Variants in DHDH observed in about 807,000 individuals in gnomAD.
The protein encoded by DHDH is dihydrodiol dehydrogenase.
A neutral mutation model predicts 33.2 loss-of-function variants in DHDH; 29 were observed. The ratio of observed to expected loss-of-function variants is 0.87; its 90% CI spans 0.65 to 1.19. DHDH has a LOEUF of 1.19. Ranked by LOEUF, DHDH falls within the 50% of genes most tolerant of loss-of-function variation. The pLI is 0.00. For synonymous variants in DHDH, 201 were observed against 187.9 expected, an observed-to-expected ratio of 1.07 and a Z score of -0.57; for missense variants, 431 against 455.0, an observed-to-expected ratio of 0.95 and a Z score of 0.48.
intron 4 of DHDH, among the ~76,000 whole-genome samples, chr19:48,941,835 A>G (rs369092524): frequency 8.3e-4 from 124 of 148,918 alleles, no homozygotes; most frequent in African/African-American, 2.9e-3. Flanking sequence ...ACCACACCCA[A>G]CTAAATTTTT....
At chr19:48,937,956 A>C (rs916156560) in intron 3 of DHDH, among the ~76,000 whole-genome samples, 1 of 151,766 alleles carries the variant, frequency 6.6e-6, no homozygotes, top group Non-Finnish European at 1.5e-5. Flanking sequence ...TCACCTCCTC[A>C]GGGTGTCACC....
intron 3 of DHDH, among the ~76,000 whole-genome samples, chr19:48,939,050 A>C (rs2037819665): frequency 6.6e-6 from 1 of 152,160 alleles, no homozygotes; most frequent in Non-Finnish European, 1.5e-5. Flanking sequence ...TAAGGCTTCA[A>C]CACGTGAATT....
At chr19:48,934,907 C>G in intron 1 of DHDH, 93 bp from the exon 2 acceptor site, 1 of 1,010,402 alleles carries the variant, frequency 9.9e-7, no homozygotes, top group South Asian at 1.9e-5. Flanking sequence ...CACGTCTCCC[C>G]TTCCCCTGGC....
intron 3 of DHDH, 108 bp from the exon 4 acceptor site, chr19:48,939,341 A>G (rs2037823427): frequency 7.7e-7 from 1 of 1,303,268 alleles, no homozygotes; most frequent in Non-Finnish European, 1.1e-6. Flanking sequence ...CAACCTGGGG[A>G]CTGATGGGCT....
chr19:48,942,697 C>G, intron 5 of DHDH, 133 bp downstream of exon 5: 1 of 1,404,156 alleles, frequency 7.1e-7, no homozygotes, highest in Non-Finnish European at 9.4e-7. Context: ...CTTAACCAAG[C>G]CAAGAGGTGG....
At chr19:48,932,988 G>C (rs4802526), upstream of DHDH, among the ~76,000 whole-genome samples, 20,742 of 152,098 alleles carry the variant, frequency 0.14, 1,765 homozygotes, top group African/African-American at 0.23. Flanking sequence ...GGGCAAGGAG[G>C]GTTTTGAAAC....
At position 48,942,528 on chromosome 19, in the gene DHDH, C is replaced by T; in HGVS notation, c.708C>T (p.Asn236=). The change falls in exon 5 of 7, where the codon AAC becomes AAT. Residue 236 remains asparagine, a synonymous_variant. Transcript: ENST00000221403. ...FTCSITVQLS[N]TASVSGTKGM... ...GCAGCATCACCGTGCAGCTCTCCAACACGGCCTCCGTGAGCGGCACCAAGG... is the reference window on the plus strand; with the variant it reads ...GCAGCATCACCGTGCAGCTCTCCAATACGGCCTCCGTGAGCGGCACCAAGG... The T allele has an allele frequency of 6.2e-7, 1 of 1,613,868 alleles. No individual in the cohort carries two copies. Among genetic ancestry groups the T allele is most frequent in the Non-Finnish European group, 8.5e-7 (1 of 1,179,888 alleles).
chr19:48,942,904 A>T (rs1423543123), intron 5 of DHDH, among the ~76,000 whole-genome samples: 1 of 151,668 alleles, frequency 6.6e-6, no homozygotes. Flanking sequence ...AAAATACAAA[A>T]ATTAGCTGGG....
At chr19:48,936,270 G>T in intron 3 of DHDH, 75 bp downstream of exon 3, 2 of 1,466,040 alleles carry the variant, frequency 1.4e-6, no homozygotes, top group South Asian at 2.8e-5. Context: ...GTGCGCGGAC[G>T]GGGTCAGTGC....
chr19:48,938,408 G>C (rs182649941), intron 3 of DHDH, among the ~76,000 whole-genome samples: 1 of 151,926 alleles, frequency 6.6e-6, no homozygotes, highest in Non-Finnish European at 1.5e-5. Flanking sequence ...CCAGTTCCAG[G>C]AGTTTTTTTT....
intron 2 of DHDH, 33 bp downstream of exon 2, chr19:48,935,144 C>T: frequency 6.6e-7 from 1 of 1,505,890 alleles, no homozygotes. Flanking sequence ...GTGCTGGCCG[C>T]CGCCCCTGGA....
intron 3 of DHDH, among the ~76,000 whole-genome samples, chr19:48,938,844 T>TA (rs1249744370): frequency 6.6e-6 from 1 of 152,122 alleles, no homozygotes; most frequent in Non-Finnish European, 1.5e-5. Context: ...AGACGGGGTT[T>TA]CACCGTGTTG....
chr19:48,936,486 G>T (rs555270258), intron 3 of DHDH, among the ~76,000 whole-genome samples: 4 of 152,120 alleles, frequency 2.6e-5, no homozygotes, highest in African/African-American at 9.6e-5. Context: ...CACGGGGTCA[G>T]GAGATCGAGA....
intron 6 of DHDH, 39 bp downstream of exon 6, chr19:48,944,546 G>A: frequency 2.6e-6 from 4 of 1,553,674 alleles, no homozygotes; most frequent in Non-Finnish European, 3.5e-6. Context: ...AGGCCTGGTA[G>A]GGGGATGTTG....
intron 1 of DHDH, among the ~76,000 whole-genome samples, 169 bp downstream of exon 1, chr19:48,933,980 A>G (rs985307183): frequency 1.3e-5 from 2 of 152,132 alleles, no homozygotes; most frequent in African/African-American, 4.8e-5. Flanking sequence ...ACCTGTGGGG[A>G]AAAGAAAGAT....
rs948060018 is a variant in DHDH, at chr19:48,944,684, G to C, written c.896-140G>C. Reference sequence around the variant, plus strand: ...GAACAAGACTCTCACTCCAAAAAAAGAACTATATCTCTCAGGAACCCCTGC... The same window carrying C: ...GAACAAGACTCTCACTCCAAAAAAACAACTATATCTCTCAGGAACCCCTGC... On this transcript the variant is annotated intron_variant, in intron 6 of 6. Transcript: ENST00000221403. 6 of 1,189,038 alleles carry C rather than the reference G, an allele frequency of 5.0e-6. No individual in the cohort carries two copies. In the African/African-American group the frequency reaches 7.7e-5, roughly 15 times the overall value. The allele number at this position is 1,189,038 out of a possible 1,614,324, so 73.7% of individuals were successfully genotyped here. A position where few individuals can be genotyped will look rare whatever the true frequency, so the allele number is the denominator to read the frequency against.
At chr19:48,938,666 T>G (rs1455603313) in intron 3 of DHDH, among the ~76,000 whole-genome samples, 2 of 148,498 alleles carry the variant, frequency 1.3e-5, no homozygotes, top group South Asian at 4.3e-4. Context: ...TTTTTTTGAG[T>G]TGGAGTCTCG....
rs560654929 is a variant in DHDH at position 48,943,323 on chromosome 19, G to A, written c.744+759G>A. Among the ~76,000 whole-genome samples the A allele has an allele frequency of 2.9e-3, 438 of 152,128 alleles. 3 individuals carry two copies. The highest frequency in any genetic ancestry group is 0.01 in the African/African-American group (416 of 41,494). On this transcript the variant is annotated intron_variant, in intron 5 of 6. Transcript: ENST00000221403. ...AGTTGTGAATTTCGGAAGTGCATCC[G>A]GGGGAGGATCTGGGTGTTACCAAAG...
At position 48,944,402 on chromosome 19, in the gene DHDH, G is replaced by A; in HGVS notation, c.790G>A (p.Glu264Lys). ...CCCGACCGAGCTGGTGGTGAAGGGG[G>A]AGCATAAGGAGTTCCCGCTGCCCCC... Reference protein sequence around the residue: ...WCPTELVVKGEHKEFPLPPVP... With the variant: ...WCPTELVVKGKHKEFPLPPVP... Residue 264 changes from glutamate to lysine, a missense_variant, in exon 6 of 7, where the codon GAG becomes AAG. By Grantham distance (56) the Glu-to-Lys change is moderately conservative (BLOSUM62 1). Coordinates refer to ENST00000221403, the MANE Select transcript of DHDH (RefSeq NM_014475.4). 2.5e-6 allele frequency: 4 copies of A among 1,614,164 alleles called. No individual in the cohort carries two copies. The highest frequency in any genetic ancestry group is 3.4e-6 in the Non-Finnish European group (4 of 1,180,016).
Sources: gnomAD v4.1 joint callset for allele counts (sites outside exome capture counted in the v4.1 genomes callset) on GRCh38, gnomAD v4.1.1 for gene constraint, MANE v1.5 for transcripts, NCBI Gene and HGNC (gene_info 2026-07-23, HGNC 2026-07-21) for gene names.